The following PRSS23 variants were observed in gnomAD, a reference collection of about 807,000 sequenced individuals.
The protein encoded by PRSS23 is protease, serine 23.
Under a neutral mutation model 34.7 loss-of-function variants are expected in PRSS23, and 25 were observed. The observed-to-expected ratio is 0.72, with a 90% CI of 0.53 to 1.01. The LOEUF (loss-of-function observed/expected upper bound fraction) is 1.01, where lower values mean the gene tolerates loss of function less well. Ranked by LOEUF, PRSS23 falls within the 50% of genes least tolerant of loss-of-function variation. PRSS23 has a pLI of 0.00. For synonymous variants in PRSS23, 176 were observed against 186.6 expected (o/e 0.94, Z 0.46); for missense variants, 445 against 475.6 (o/e 0.94, Z 0.60).
At chr11:86,926,941 T>C (rs2135010180) in intron 2 of PRSS23, among the ~76,000 whole-genome samples, 1 of 152,232 alleles carries the variant, frequency 6.6e-6, no homozygotes, top group African/African-American at 2.4e-5. Flanking sequence ...CCTTAATTGG[T>C]TTGGAAGTGA....
Position 86,944,533 on chromosome 11 carries a change from G to C in PRSS23, c.207-6683G>C, listed in dbSNP as rs146446638. On this transcript the variant is annotated intron_variant, in intron 2 of 2. Coordinates refer to the PRSS23 transcript ENST00000533902. ...CAACCTTCTCCAACCCCTTTGGGTT[G>C]CCCTCGCCCTCTCTACGTCTTGGCT... Among the ~76,000 whole-genome samples the C allele has an allele frequency of 3.3e-3, 509 of 152,302 alleles. 5 individuals are homozygous for C. Among genetic ancestry groups the C allele is most frequent in the Middle Eastern group, 0.014 (4 of 294 alleles).
At chr11:86,892,161 C>T (rs760149393) in intron 2 of PRSS23, 3 of 152,250 alleles carry the variant, frequency 2.0e-5, no homozygotes, top group Non-Finnish European at 2.9e-5. Flanking sequence ...ACAGGAGCTT[C>T]CTTGTTCTGC....
chr11:86,846,139 A>C (rs529092102), intron 2 of PRSS23, among the ~76,000 whole-genome samples: 2 of 152,158 alleles, frequency 1.3e-5, no homozygotes, highest in Admixed American at 1.3e-4. Context: ...AAAGCCTACA[A>C]CTTTTTCTCT....
intron 2 of PRSS23, among the ~76,000 whole-genome samples, chr11:86,875,753 A>C (rs1948719389): frequency 6.6e-6 from 1 of 152,272 alleles, no homozygotes. Context: ...TTTGGTGTAA[A>C]GCTGCAGATA....
At chr11:86,802,124 T>C (rs1292660070) in intron 1 of PRSS23, among the ~76,000 whole-genome samples, 1 of 152,218 alleles carries the variant, frequency 6.6e-6, no homozygotes, top group Non-Finnish European at 1.5e-5. Flanking sequence ...ACTCTTCTCA[T>C]AGATCCCTTA....
chr11:86,924,082 G>A (rs1044190089), intron 2 of PRSS23, among the ~76,000 whole-genome samples: 3 of 152,210 alleles, frequency 2.0e-5, no homozygotes, highest in African/African-American at 7.2e-5. Flanking sequence ...AGGCTTCTAA[G>A]GAGGTAAGAT....
At chr11:86,938,523 G>T (rs1377533430) in intron 2 of PRSS23, among the ~76,000 whole-genome samples, 1 of 152,096 alleles carries the variant, frequency 6.6e-6, no homozygotes, top group African/African-American at 2.4e-5. Context: ...GAAGTGGCTG[G>T]GATTGGCTAG....
At chr11:86,846,315 G>A (rs781278317) in intron 2 of PRSS23, among the ~76,000 whole-genome samples, 29 of 152,044 alleles carry the variant, frequency 1.9e-4, no homozygotes, top group Non-Finnish European at 2.9e-4. Context: ...TCTTTTGCTT[G>A]CTATTCTGTC....
At chr11:86,819,473 T>C (rs1163275213) in intron 1 of PRSS23, among the ~76,000 whole-genome samples, 1 of 152,228 alleles carries the variant, frequency 6.6e-6, no homozygotes, top group Non-Finnish European at 1.5e-5. Flanking sequence ...TGTTTAAAAA[T>C]TACCATTCCC....
At chr11:86,945,288 G>A (rs1161616556) in intron 2 of PRSS23, among the ~76,000 whole-genome samples, 1 of 149,408 alleles carries the variant, frequency 6.7e-6, no homozygotes, top group Non-Finnish European at 1.5e-5. Context: ...GCAATGATGG[G>A]AAAACTCTTT....
chr11:86,915,755 A>G (rs1349678896), intron 2 of PRSS23, among the ~76,000 whole-genome samples: 1 of 152,124 alleles, frequency 6.6e-6, no homozygotes, highest in African/African-American at 2.4e-5. Context: ...TTATATTTGA[A>G]AGAGCATAAT....
chr11:86,854,002 A>G (rs190628407), intron 2 of PRSS23, among the ~76,000 whole-genome samples: 37 of 151,808 alleles, frequency 2.4e-4, no homozygotes, highest in Non-Finnish European at 5.0e-4. Context: ...GGCCATTGCT[A>G]TATCTTCTTT....
chr11:86,801,523 T>A (rs1948038113), intron 1 of PRSS23, among the ~76,000 whole-genome samples: 1 of 152,218 alleles, frequency 6.6e-6, no homozygotes, highest in Non-Finnish European at 1.5e-5. Context: ...TCTCAGCTCC[T>A]GAAACTAAAT....
chr11:86,846,778 A>G (rs1948489408), intron 2 of PRSS23, among the ~76,000 whole-genome samples: 1 of 152,138 alleles, frequency 6.6e-6, no homozygotes, highest in Admixed American at 6.5e-5. Flanking sequence ...CACCCAGAAG[A>G]TCCCTGTTCA....
chr11:86,844,226 C>A (rs1231691963), intron 2 of PRSS23, among the ~76,000 whole-genome samples: 1 of 152,128 alleles, frequency 6.6e-6, no homozygotes, highest in Non-Finnish European at 1.5e-5. Context: ...AACACATGAA[C>A]AAAATGCAGG....
upstream of PRSS23, among the ~76,000 whole-genome samples, chr11:86,796,640 CAAAAAAAA>C (rs10543755): frequency 5.0e-4 from 40 of 80,318 alleles, no homozygotes; most frequent in Middle Eastern, 7.1e-3. Flanking sequence ...GACTCCGTCT[CAAAAAAAA>C]AAAAAAAAAA....
At chr11:86,796,120 G>C (rs1396763764), upstream of PRSS23, among the ~76,000 whole-genome samples, 1 of 152,154 alleles carries the variant, frequency 6.6e-6, no homozygotes, top group Non-Finnish European at 1.5e-5. Context: ...GAGCTGGAGT[G>C]ACATCAGAAA....
intron 2 of PRSS23, among the ~76,000 whole-genome samples, chr11:86,921,047 T>C (rs1423360010): frequency 7.9e-5 from 12 of 152,208 alleles, no homozygotes; most frequent in African/African-American, 2.9e-4. Flanking sequence ...TCCTTCCTGG[T>C]CTCCCTGTTC....
At chr11:86,815,253 C>T (rs1240503066), downstream of PRSS23, among the ~76,000 whole-genome samples, 2 of 152,318 alleles carry the variant, frequency 1.3e-5, no homozygotes, top group South Asian at 4.1e-4. Flanking sequence ...GCCCCTTCCT[C>T]GGGGAGTTCT....
Sources: allele counts gnomAD v4.1 joint callset (sites outside exome capture counted in the v4.1 genomes callset), GRCh38; gene constraint gnomAD v4.1.1; transcripts MANE v1.5; gene names NCBI Gene and HGNC (gene_info 2026-07-23, HGNC 2026-07-21).